ELF4: variants seen among roughly 807,000 people sequenced by gnomAD.
ELF4 encodes the protein E74 like ETS transcription factor 4.
A neutral mutation model predicts 31.7 loss-of-function variants in ELF4; 10 were observed. The ratio of observed to expected loss-of-function variants is 0.32; its 90% CI spans 0.19 to 0.54. The LOEUF is 0.54. Among genes scored for constraint, ELF4 ranks in the 20% least tolerant of loss-of-function variants. ELF4 has a pLI of 0.95. For synonymous variants in ELF4, 208 were observed against 226.7 expected, an observed-to-expected ratio of 0.92 and a Z score of 0.74; for missense variants, 418 against 522.0, an observed-to-expected ratio of 0.80 and a Z score of 1.94.
rs746900885 is a variant in ELF4, at chrX:130,066,009, C to T, written c.*712G>A. ...TCCCTCCCTTCGTGGTTTTACCCCA[C>T]TCGGCCTTTGTGTCCCTGAGGAGCG... is the stretch of plus-strand genomic sequence containing the variant. On this transcript the variant is annotated 3_prime_UTR_variant, in exon 9 of 9. Transcript: ENST00000308167. 107 of 173,220 alleles carry T rather than the reference C, an allele frequency of 6.2e-4. 1 individual carries two copies. Among genetic ancestry groups the T allele is most frequent in the Non-Finnish European group, 3.0e-4 (27 of 90,867 alleles). 14.3% of individuals were successfully genotyped at this position (173,220 alleles called of 1,213,427 possible).
chrX:130,091,192 C>T (rs1461334670), intron 1 of ELF4, among the ~76,000 whole-genome samples: 2 of 111,209 alleles, frequency 1.8e-5, no homozygotes, highest in African/African-American at 3.3e-5. Flanking sequence ...TTTGGGAGGC[C>T]GAGGCGGGTG....
At chrX:130,079,789 A>T (rs1453222826) in intron 2 of ELF4, among the ~76,000 whole-genome samples, 1 of 112,090 alleles carries the variant, frequency 8.9e-6, no homozygotes, top group Admixed American at 9.5e-5. Context: ...GAAAAGAAAC[A>T]GTTGCTGAGT....
chrX:130,089,076 G>C (rs1260860212), intron 1 of ELF4, among the ~76,000 whole-genome samples: 1 of 111,246 alleles, frequency 9.0e-6, no homozygotes, highest in Non-Finnish European at 1.9e-5. Flanking sequence ...GAAGGGAGGG[G>C]TGCCAGAAAG....
rs1480108679 is a variant in ELF4, at chrX:130,066,156, G to A, written c.*565C>T. ...CATAGTCTCAGAGCAACTGAATCTC[G>A]GCATGAACAAAGGGAATTAGAGAAT... On this transcript the variant is annotated 3_prime_UTR_variant, in exon 9 of 9. Coordinates refer to ENST00000308167, the MANE Select transcript of ELF4 (RefSeq NM_001421.4). The A allele has an allele frequency of 1.1e-5, 2 of 174,375 alleles. No individual in the cohort carries two copies. Among genetic ancestry groups the A allele is most frequent in the East Asian group, 8.1e-5 (1 of 12,314 alleles). 14.4% of individuals were successfully genotyped at this position (174,375 alleles called of 1,213,427 possible).
Position 130,069,324 on chromosome X carries a change from T to C in ELF4, c.1163A>G (p.Gln388Arg), listed in dbSNP as rs1253609669. Reference protein sequence around the residue: ...STMLVSPAEGQVKLTKAVSAS... With the variant: ...STMLVSPAEGRVKLTKAVSAS... ...CCTCACAGCTTTGGTGAGCTTGACC[T>C]GGCCCTCTGCTGGAGAGACGAGCAT... Residue 388 changes from glutamine to arginine, a missense_variant, in exon 8 of 9, where the codon CAG becomes CGG. Physicochemically the swap from Gln to Arg is conservative, Grantham distance 43 (BLOSUM62 1). Around this residue, in one of 4 missense-constraint regions of ELF4, gnomAD observed 260 missense variants for 269.2 expected, o/e 0.97. Coordinates refer to ENST00000308167, the MANE Select transcript of ELF4 (RefSeq NM_001421.4). The C allele has an allele frequency of 8.2e-7, 1 of 1,212,244 alleles. No individual in the cohort carries two copies. The highest frequency in any genetic ancestry group is 1.8e-5 in the South Asian group (1 of 57,040).
At chrX:130,088,450 G>GC (rs1416806555) in intron 1 of ELF4, among the ~76,000 whole-genome samples, 1 of 111,330 alleles carries the variant, frequency 9.0e-6, no homozygotes, top group Non-Finnish European at 1.9e-5. Flanking sequence ...GGTGGCTCAT[G>GC]CCTATAATCC....
intron 2 of ELF4, 24 bp downstream of exon 2, chrX:130,081,230 CTG>C: frequency 8.3e-7 from 1 of 1,209,263 alleles, no homozygotes. Flanking sequence ...CAGGGGCTAA[CTG>C]TGCTCTGTTC....
rs777456574 is a variant in ELF4, at chrX:130,089,509, C to CAAAAAAAAAA, written c.-209-7980_-209-7971dup. ...GGGCAACAAGAGTGAGACCTCAGCT[C>CAAAAAAAAAA]AAAAAAAAAAAAAAAAAAAAAAAAA... On this transcript the variant is annotated intron_variant, in intron 1 of 8. Transcript: ENST00000308167. Among the ~76,000 whole-genome samples the CAAAAAAAAAA allele has an allele frequency of 1.0e-3, 20 of 19,456 alleles. 3 individuals are homozygous for CAAAAAAAAAA. Among genetic ancestry groups the CAAAAAAAAAA allele is most frequent in the African/African-American group, 3.2e-3 (11 of 3,444 alleles). The allele number at this position is 19,456 out of a possible 115,157, so 16.9% of individuals were successfully genotyped here. A position where few individuals can be genotyped will look rare whatever the true frequency, so the allele number is the denominator to read the frequency against.
Position 130,100,250 on chromosome X carries a change from C to G in ELF4, c.-210+10075G>C, listed in dbSNP as rs974931987. ...AGGAAGATCAAGTTCCAGTCTTGGC[C>G]CAGCCTCTGCCTAGCTCCTCCCTCA... On this transcript the variant is annotated intron_variant, in intron 1 of 8. Transcript: ENST00000308167. 2.7e-5 allele frequency among the ~76,000 whole-genome samples: 3 copies of G among 111,962 alleles called. No individual in the cohort carries two copies. The Admixed American group carries it at 2.8e-4, about 11-fold the overall frequency.
Position 130,064,528 on chromosome X carries a change from A to G in ELF4, c.*2193T>C, listed in dbSNP as rs1932620297. On this transcript the variant is annotated 3_prime_UTR_variant, in exon 9 of 9. Coordinates refer to ENST00000308167, the MANE Select transcript of ELF4 (RefSeq NM_001421.4). Reference sequence around the variant, plus strand: ...TGGAAATGTTCAGCAGATTGCTGGAAATGTGAGCCAGGAGCTTAAGAGAAA... The same window carrying G: ...TGGAAATGTTCAGCAGATTGCTGGAGATGTGAGCCAGGAGCTTAAGAGAAA... Among the ~76,000 whole-genome samples the G allele has an allele frequency of 8.9e-6, 1 of 112,344 alleles. No homozygotes were observed. The highest frequency in any genetic ancestry group is 1.9e-5 in the Non-Finnish European group (1 of 53,205).
rs1198262605 is a variant in ELF4 at position 130,067,249 on chromosome X, T to C, written c.1464A>G (p.Gln488=). ...GAPLILSGLP[Q]LLAGANRPTN... is the part of the protein sequence containing the mutation. Reference sequence around the variant, plus strand: ...TCGGACGGTTGGCCCCAGCCAGAAGTTGGGGGAGGCCACTGAGAATCAGTG... The same window carrying C: ...TCGGACGGTTGGCCCCAGCCAGAAGCTGGGGGAGGCCACTGAGAATCAGTG... The change falls in exon 9 of 9, where the codon CAA becomes CAG. Residue 488 remains glutamine (Q), a synonymous_variant. Coordinates refer to ENST00000308167, the MANE Select transcript of ELF4 (RefSeq NM_001421.4). The C allele has an allele frequency of 8.3e-7, 1 of 1,210,420 alleles. No individual in the cohort carries two copies. The highest frequency in any genetic ancestry group is 1.1e-6 in the Non-Finnish European group (1 of 895,114).
chrX:130,093,467 T>C (rs776917770), intron 1 of ELF4, among the ~76,000 whole-genome samples: 1 of 111,521 alleles, frequency 9.0e-6, no homozygotes, highest in African/African-American at 3.3e-5. Context: ...GATGACTTGG[T>C]GTGGTGACTT....
chrX:130,074,008 A>G, intron 4 of ELF4, 41 bp downstream of exon 4: 3 of 1,176,000 alleles, frequency 2.6e-6, no homozygotes, highest in Non-Finnish European at 3.5e-6. Context: ...AAATGGAATT[A>G]TTTTGTTGCC....
chrX:130,080,411 G>C (rs1166622802), intron 2 of ELF4, among the ~76,000 whole-genome samples: 1 of 85,388 alleles, frequency 1.2e-5, no homozygotes, highest in Non-Finnish European at 2.2e-5. Flanking sequence ...GCGACAGAGT[G>C]AGACTTCGTT....
upstream of ELF4, chrX:130,110,762 T>G (rs1008620173): frequency 2.2e-5 from 2 of 91,024 alleles, no homozygotes; most frequent in African/African-American, 4.1e-5. Context: ...GGGGGCGGGG[T>G]GGAGCGCGCG....
intron 1 of ELF4, among the ~76,000 whole-genome samples, chrX:130,106,047 C>T (rs1340707214): frequency 9.0e-6 from 1 of 111,334 alleles, no homozygotes; most frequent in African/African-American, 3.3e-5. Context: ...ACACATTTGC[C>T]AAACAATCAT....
intron 1 of ELF4, among the ~76,000 whole-genome samples, chrX:130,085,506 C>T (rs1243273421): frequency 8.9e-6 from 1 of 111,965 alleles, no homozygotes; most frequent in East Asian, 2.8e-4. Context: ...TCTGGGCCTC[C>T]CTTACAGGAA....
In ELF4 at chrX:130,064,893, C is replaced by T. The variant is rs1360901702; in HGVS notation, c.*1828G>A. ...GCAAAATTTTTTTTTAATGGTGACC[C>T]TTTATCAAGATGCTTACTTTCAACC... On this transcript the variant is annotated 3_prime_UTR_variant, in exon 9 of 9. Coordinates refer to ENST00000308167, the MANE Select transcript of ELF4 (RefSeq NM_001421.4). The T allele has an allele frequency of 6.8e-6, 1 of 146,209 alleles. No individual in the cohort carries two copies. Among genetic ancestry groups the T allele is most frequent in the Non-Finnish European group, 1.4e-5 (1 of 73,800 alleles). 12.0% of individuals were successfully genotyped at this position (146,209 alleles called of 1,213,427 possible).
chrX:130,085,253 G>C (rs908408274), intron 1 of ELF4, among the ~76,000 whole-genome samples: 1 of 111,870 alleles, frequency 8.9e-6, no homozygotes, highest in South Asian at 3.7e-4. Context: ...AAGCCTTTGC[G>C]AGAAAGTATG....
Sources: allele counts gnomAD v4.1 joint callset (sites outside exome capture counted in the v4.1 genomes callset), GRCh38; gene constraint gnomAD v4.1.1; regional missense constraint gnomAD v4.1.1; transcripts MANE v1.5; gene names NCBI Gene and HGNC (gene_info 2026-07-23, HGNC 2026-07-21).